Variants in SPTLC3 observed in about 807,000 individuals in gnomAD.
SPTLC3 encodes the protein serine palmitoyltransferase 3.
In SPTLC3, 36 loss-of-function variants were observed where a neutral mutation model predicts 59.3. That is an observed-to-expected ratio of 0.61 (90% CI 0.47 to 0.80). The LOEUF is 0.80. Ranked by LOEUF, SPTLC3 falls within the 30% of genes least tolerant of loss-of-function variation. SPTLC3 has a pLI of 0.00. For missense variants in SPTLC3, 625 were observed against 685.1 expected (o/e 0.91, Z 0.98); for synonymous variants, 257 against 240.8 (o/e 1.07, Z -0.62).
chr20:13,087,891 G>C lies in SPTLC3; in HGVS notation c.608-3192G>C, dbSNP rs114292573. Among the ~76,000 whole-genome samples, 1,237 of 152,332 alleles carry C rather than the reference G, an allele frequency of 8.1e-3. 12 individuals are homozygous for C. Among genetic ancestry groups the C allele is most frequent in the African/African-American group, 0.028 (1,154 of 41,570 alleles). On this transcript the variant is annotated intron_variant, in intron 4 of 11. Coordinates refer to ENST00000399002, the MANE Select transcript of SPTLC3 (RefSeq NM_018327.4). ...GACCAGTTTTCCCTGGGGAAGCTGAGAAAGGCATTAGAGAAAAGATGAAGG... is the reference window on the plus strand; with the variant it reads ...GACCAGTTTTCCCTGGGGAAGCTGACAAAGGCATTAGAGAAAAGATGAAGG...
intron 1 of SPTLC3, among the ~76,000 whole-genome samples, chr20:13,030,769 C>T (rs1451140242): frequency 1.3e-5 from 2 of 152,078 alleles, no homozygotes; most frequent in Non-Finnish European, 2.9e-5. Flanking sequence ...CCTTACCATT[C>T]CTCAAGCACT....
At chr20:13,013,943 C>T (rs989707530) in intron 1 of SPTLC3, among the ~76,000 whole-genome samples, 2 of 152,182 alleles carry the variant, frequency 1.3e-5, no homozygotes, top group African/African-American at 2.4e-5. Context: ...ATTCACATGT[C>T]CCAGACCTTG....
chr20:13,020,200 G>T (rs1185444296), intron 1 of SPTLC3, among the ~76,000 whole-genome samples: 1 of 152,096 alleles, frequency 6.6e-6, no homozygotes, highest in East Asian at 1.9e-4. Context: ...CCCCATGTGT[G>T]TTAGACATTT....
chr20:13,015,786 A>T (rs1985497312), intron 1 of SPTLC3, among the ~76,000 whole-genome samples: 1 of 152,162 alleles, frequency 6.6e-6, no homozygotes, highest in African/African-American at 2.4e-5. Context: ...GTACATGAAC[A>T]GATAGATAAA....
chr20:13,062,742 GT>G (rs1329081122), intron 2 of SPTLC3, among the ~76,000 whole-genome samples: 1 of 152,020 alleles, frequency 6.6e-6, no homozygotes, highest in African/African-American at 2.4e-5. Context: ...TGTGTGACTT[GT>G]TTTTTTCCCC....
At chr20:13,066,155 C>G (rs1988201310) in intron 2 of SPTLC3, among the ~76,000 whole-genome samples, 1 of 152,264 alleles carries the variant, frequency 6.6e-6, no homozygotes, top group Non-Finnish European at 1.5e-5. Context: ...TAAGTGAGAT[C>G]ATATGCAGTA....
chr20:13,160,024 A>G lies in SPTLC3; in HGVS notation c.1437A>G (p.Leu479=). The change falls in exon 11 of 12, where the codon CTA becomes CTG. Residue 479 remains leucine, a synonymous_variant. Transcript: ENST00000399002. ...GKVAAFARHM[L]EKKIGVVVVG... ...TAAGGGCTTTTGCAAGGCATATGCT[A>G]GAGAAAAAAATTGGAGTGGTGGTCG... 1.9e-6 allele frequency: 3 copies of G among 1,612,594 alleles called. No homozygotes were observed. The highest frequency in any genetic ancestry group is 2.5e-6 in the Non-Finnish European group (3 of 1,179,656).
At chr20:13,023,059 G>T (rs967717006) in intron 1 of SPTLC3, among the ~76,000 whole-genome samples, 1 of 151,804 alleles carries the variant, frequency 6.6e-6, no homozygotes, top group African/African-American at 2.4e-5. Context: ...ATTTGCATTT[G>T]CACTCCTCAT....
At chr20:13,010,956 G>A (rs76282866) in intron 1 of SPTLC3, among the ~76,000 whole-genome samples, 2 of 152,276 alleles carry the variant, frequency 1.3e-5, no homozygotes, top group East Asian at 1.9e-4. Context: ...CTGCAAGACT[G>A]TAAATATCCT....
chr20:13,063,171 A>G (rs1988039238), intron 2 of SPTLC3, among the ~76,000 whole-genome samples: 1 of 152,214 alleles, frequency 6.6e-6, no homozygotes, highest in Admixed American at 6.5e-5. Context: ...TTTCCTGATT[A>G]ATAGTATGAC....
At position 13,147,105 on chromosome 20, in the gene SPTLC3, C is replaced by T. The variant is rs565568221; in HGVS notation, c.1280-6898C>T. 1.2e-4 allele frequency among the ~76,000 whole-genome samples: 19 copies of T among 152,242 alleles called. No individual in the cohort carries two copies. The South Asian group carries it at 2.1e-3, about 17-fold the overall frequency. On this transcript the variant is annotated intron_variant, in intron 9 of 11. Coordinates refer to ENST00000399002, the MANE Select transcript of SPTLC3 (RefSeq NM_018327.4). Reference sequence around the variant, plus strand: ...CAGAGCCCTCGAAATCAGGCCATGCCGACGGCTGCCCACCCCTGATGTCCA... The same window carrying T: ...CAGAGCCCTCGAAATCAGGCCATGCTGACGGCTGCCCACCCCTGATGTCCA...
chr20:13,125,431 G>A (rs1358158127), intron 8 of SPTLC3, among the ~76,000 whole-genome samples: 1 of 152,166 alleles, frequency 6.6e-6, no homozygotes, highest in Non-Finnish European at 1.5e-5. Context: ...TACTCAAACT[G>A]TCCTTTGCTG....
intron 1 of SPTLC3, among the ~76,000 whole-genome samples, chr20:13,039,254 C>A: frequency 6.8e-6 from 1 of 146,944 alleles, no homozygotes; most frequent in East Asian, 1.9e-4. Context: ...AAATTTTCTA[C>A]TCTATTTCTA....
At chr20:13,149,130 A>G (rs980641317) in intron 9 of SPTLC3, among the ~76,000 whole-genome samples, 1 of 151,580 alleles carries the variant, frequency 6.6e-6, no homozygotes, top group Non-Finnish European at 1.5e-5. Context: ...ACTTACGGAA[A>G]CTCTCCAGAG....
chr20:13,045,306 G>A lies in SPTLC3; in HGVS notation c.118-3639G>A, dbSNP rs74680020. Among the ~76,000 whole-genome samples, 69 of 152,200 alleles carry A rather than the reference G, an allele frequency of 4.5e-4. 2 individuals carry two copies. The highest frequency in any genetic ancestry group is 3.3e-3 in the South Asian group (16 of 4,818). ...AGGGTCTGTTTATTTTTAAGGCTGC[G>A]AAAGAAAAGGTAGAACAAGCCAAAG... On this transcript the variant is annotated intron_variant, in intron 1 of 11. Coordinates refer to ENST00000399002, the MANE Select transcript of SPTLC3 (RefSeq NM_018327.4).
At chr20:13,053,478 T>G (rs1016865833) in intron 2 of SPTLC3, among the ~76,000 whole-genome samples, 1 of 152,056 alleles carries the variant, frequency 6.6e-6, no homozygotes, top group Non-Finnish European at 1.5e-5. Flanking sequence ...AGAATGCCTC[T>G]TCTCCTCCAA....
Position 13,074,436 on chromosome 20 carries a change from G to A in SPTLC3, c.546G>A (p.Arg182=). The change falls in exon 4 of 12, where the codon AGG becomes AGA. Residue 182 remains arginine (R), a synonymous_variant. Coordinates refer to ENST00000399002, the MANE Select transcript of SPTLC3 (RefSeq NM_018327.4). ...GLAAKYDESM[R]TIKDVLEVYG... ...CAGCCAAGTATGATGAGTCTATGAG[G>A]ACAATAAAGGATGTTTTAGAGGTGT... 1 of 1,614,048 alleles carries A rather than the reference G, an allele frequency of 6.2e-7. No individual in the cohort carries two copies. Among genetic ancestry groups the A allele is most frequent in the Non-Finnish European group, 8.5e-7 (1 of 1,179,970 alleles).
intron 2 of SPTLC3, among the ~76,000 whole-genome samples, chr20:13,067,844 G>A (rs936404912): frequency 1.5e-4 from 23 of 152,118 alleles, no homozygotes; most frequent in Admixed American, 3.9e-4. Context: ...TACAGTATTC[G>A]GTGAGAACTG....
intron 4 of SPTLC3, chr20:13,079,926 T>G: frequency 3.0e-6 from 1 of 335,424 alleles, no homozygotes; most frequent in South Asian, 2.3e-5. Context: ...TTCAGGCTTC[T>G]CAAGCCTGAT....
Sources: allele counts gnomAD v4.1 joint callset (sites outside exome capture counted in the v4.1 genomes callset), GRCh38; gene constraint gnomAD v4.1.1; transcripts MANE v1.5; gene names NCBI Gene and HGNC (gene_info 2026-07-23, HGNC 2026-07-21).